DENND1B: variants seen among roughly 807,000 people sequenced by gnomAD.
DENND1B encodes the protein DENN domain-containing protein 1B.
DENND1B carries 59 observed loss-of-function variants against 90.1 expected under a neutral mutation model. The observed-to-expected ratio is 0.65, with a 90% CI of 0.53 to 0.81. The LOEUF (loss-of-function observed/expected upper bound fraction) is 0.81. Ranked by LOEUF, DENND1B falls within the 40% of genes least tolerant of loss-of-function variation. DENND1B has a pLI of 0.00. For synonymous variants in DENND1B, 337 were observed against 324.6 expected (o/e 1.04, Z -0.41); for missense variants, 862 against 912.6 (o/e 0.94, Z 0.71).
chr1:197,522,396 A>G (rs542940786), intron 20 of DENND1B, among the ~76,000 whole-genome samples: 1 of 152,186 alleles, frequency 6.6e-6, no homozygotes, highest in South Asian at 2.1e-4. Context: ...GGTCACTAGG[A>G]AAGATTCTGA....
Position 197,510,352 on chromosome 1 carries a change from C to CAA in DENND1B, c.*106_*107dup. 1.6e-6 allele frequency: 2 copies of CAA among 1,287,130 alleles called. No individual in the cohort carries two copies. Among genetic ancestry groups the CAA allele is most frequent in the African/African-American group, 1.5e-5 (1 of 65,766 alleles). 79.7% of individuals were successfully genotyped at this position (1,287,130 alleles called of 1,614,324 possible). A position where few individuals can be genotyped will look rare whatever the true frequency, so the allele number is the denominator to read the frequency against. ...ACAAGTGAGAAAAATGTTGCAAATG[C>CAA]AAAAAAAAATTTAAATAGTATGAGT... On this transcript the variant is annotated 3_prime_UTR_variant, in exon 23 of 23. Coordinates refer to ENST00000620048, the MANE Select transcript of DENND1B (RefSeq NM_001195215.2).
At chr1:197,605,043 A>G (rs1676545829) in intron 13 of DENND1B, among the ~76,000 whole-genome samples, 1 of 150,994 alleles carries the variant, frequency 6.6e-6, no homozygotes, top group Admixed American at 6.6e-5. Flanking sequence ...TCTATTCTTT[A>G]AATTTCTTTA....
chr1:197,691,891 A>T (rs981579920), intron 3 of DENND1B, among the ~76,000 whole-genome samples: 1 of 151,944 alleles, frequency 6.6e-6, no homozygotes, highest in African/African-American at 2.4e-5. Context: ...TTCCACTTAA[A>T]TGAGACATCA....
In DENND1B at chr1:197,561,200, G is replaced by A. The variant is rs114073198; in HGVS notation, c.1150-8088C>T. On this transcript the variant is annotated intron_variant, in intron 15 of 22. Coordinates refer to ENST00000620048, the MANE Select transcript of DENND1B (RefSeq NM_001195215.2). ...AGAGCTGTCAGTACTTTGTGTCTAC[G>A]TCCTCTCCTCTCATGCTTCAATCAC... Among the ~76,000 whole-genome samples the A allele has an allele frequency of 6.9e-3, 1,044 of 151,864 alleles. 14 individuals are homozygous for A. Among genetic ancestry groups the A allele is most frequent in the African/African-American group, 0.023 (965 of 41,462 alleles).
rs145920241 is a variant in DENND1B, at chr1:197,624,113, T to C, written c.673-6354A>G. On this transcript the variant is annotated intron_variant, in intron 10 of 22. Coordinates refer to ENST00000620048, the MANE Select transcript of DENND1B (RefSeq NM_001195215.2). Reference sequence around the variant, plus strand: ...TCGAGAAGCAAAAGACACAGAATAGTCAACACAATTCTGAAAGAACAAAGT... The same window carrying C: ...TCGAGAAGCAAAAGACACAGAATAGCCAACACAATTCTGAAAGAACAAAGT... 3.2e-3 allele frequency among the ~76,000 whole-genome samples: 490 copies of C among 151,654 alleles called. 2 individuals carry two copies. The highest frequency in any genetic ancestry group is 7.9e-3 in the South Asian group (38 of 4,810).
At chr1:197,526,689 A>C (rs1020705086) in intron 20 of DENND1B, among the ~76,000 whole-genome samples, 4 of 152,164 alleles carry the variant, frequency 2.6e-5, no homozygotes, top group African/African-American at 9.7e-5. Flanking sequence ...GAACATGTTC[A>C]CATAAAAAGA....
At chr1:197,685,223 G>A (rs1341230264) in intron 3 of DENND1B, among the ~76,000 whole-genome samples, 1 of 152,150 alleles carries the variant, frequency 6.6e-6, no homozygotes, top group Non-Finnish European at 1.5e-5. Flanking sequence ...CAGGCAGGAT[G>A]AGATTAAGCA....
intron 2 of DENND1B, among the ~76,000 whole-genome samples, chr1:197,748,687 G>A (rs1041654888): frequency 1.3e-5 from 2 of 152,162 alleles, no homozygotes; most frequent in African/African-American, 4.8e-5. Flanking sequence ...AAAAAGGAAA[G>A]AAAACACTTT....
chr1:197,564,760 A>G (rs1672482156), intron 15 of DENND1B, among the ~76,000 whole-genome samples: 2 of 151,936 alleles, frequency 1.3e-5, no homozygotes, highest in South Asian at 4.1e-4. Flanking sequence ...AGGCCTCTTT[A>G]ATCATTAGTT....
intron 10 of DENND1B, among the ~76,000 whole-genome samples, chr1:197,625,768 C>G (rs1474820401): frequency 6.6e-6 from 1 of 151,984 alleles, no homozygotes; most frequent in Non-Finnish European, 1.5e-5. Flanking sequence ...TTCAGGAAAC[C>G]CATCTCACAT....
At chr1:197,592,884 A>G (rs1422997454) in intron 14 of DENND1B, among the ~76,000 whole-genome samples, 1 of 152,180 alleles carries the variant, frequency 6.6e-6, no homozygotes, top group Non-Finnish European at 1.5e-5. Flanking sequence ...GTCTAGTAAA[A>G]TAATTCACAT....
At chr1:197,607,679 AG>A (rs1340476751) in intron 12 of DENND1B, among the ~76,000 whole-genome samples, 1 of 150,906 alleles carries the variant, frequency 6.6e-6, no homozygotes, top group African/African-American at 2.4e-5. Flanking sequence ...GCTGAATAAG[AG>A]AGAATAAAAG....
chr1:197,782,086 T>C, the DENND1B span, among the ~76,000 whole-genome samples: 25 of 152,300 alleles, frequency 1.6e-4, no homozygotes, highest in South Asian at 6.2e-4. Context: ...GAACAAAGAA[T>C]AATTGAAGCA....
intron 3 of DENND1B, among the ~76,000 whole-genome samples, chr1:197,694,250 T>G (rs1658203429): frequency 6.6e-6 from 1 of 151,444 alleles, no homozygotes; most frequent in Non-Finnish European, 1.5e-5. Context: ...AAAGTCATTT[T>G]AAAGCAATAT....
chr1:197,752,250 A>G (rs1352020428), intron 2 of DENND1B, among the ~76,000 whole-genome samples: 1 of 152,044 alleles, frequency 6.6e-6, no homozygotes, highest in East Asian at 1.9e-4. Flanking sequence ...AATATTATGA[A>G]TGGTTTTGTG....
chr1:197,722,540 T>G (rs1045074789), intron 2 of DENND1B, among the ~76,000 whole-genome samples: 5 of 152,150 alleles, frequency 3.3e-5, no homozygotes, highest in Non-Finnish European at 7.4e-5. Context: ...AATATTTGTA[T>G]TTTGTAAAAC....
chr1:197,680,391 C>T (rs964689917), intron 3 of DENND1B, among the ~76,000 whole-genome samples: 4 of 152,008 alleles, frequency 2.6e-5, no homozygotes, highest in African/African-American at 7.2e-5. Context: ...TTTCTAGATA[C>T]TAATGTATTT....
At chr1:197,528,043 G>T (rs2125628251) in intron 20 of DENND1B, among the ~76,000 whole-genome samples, 1 of 152,194 alleles carries the variant, frequency 6.6e-6, no homozygotes, top group South Asian at 2.1e-4. Flanking sequence ...TCCTATGAAT[G>T]AAAGTGTTTC....
At chr1:197,644,154 T>C (rs760972479) in intron 9 of DENND1B, among the ~76,000 whole-genome samples, 4 of 152,216 alleles carry the variant, frequency 2.6e-5, no homozygotes, top group Non-Finnish European at 5.9e-5. Context: ...ACTCTCCATA[T>C]AAAAATTCAA....
Sources: allele counts gnomAD v4.1 joint callset (sites outside exome capture counted in the v4.1 genomes callset), GRCh38; gene constraint gnomAD v4.1.1; transcripts MANE v1.5; gene names NCBI Gene and HGNC (gene_info 2026-07-23, HGNC 2026-07-21).